ADCY5: variants seen among roughly 807,000 people sequenced by gnomAD.
ADCY5 encodes the protein adenylate cyclase 5.
In ADCY5, 30 loss-of-function variants were observed where a neutral mutation model predicts 119.7. The ratio of observed to expected loss-of-function variants is 0.25; its 90% CI spans 0.19 to 0.34. The LOEUF (loss-of-function observed/expected upper bound fraction) is 0.34. ADCY5 is among the 10% of genes least tolerant of loss of function. The pLI, the probability that ADCY5 is intolerant of heterozygous loss-of-function variation, is 1.00. For synonymous variants in ADCY5, 753 were observed against 762.2 expected (o/e 0.99, Z 0.20); for missense variants, 1,324 against 1,775.2 (o/e 0.75, Z 4.57).
chr3:123,396,819 C>CGAGAGAGAGAGAGAGAGAGAGAGAGA (rs146072347), intron 1 of ADCY5, among the ~76,000 whole-genome samples: 5 of 62,288 alleles, frequency 8.0e-5, no homozygotes, highest in Admixed American at 1.8e-4. Context: ...GGCAGGCAGG[C>CGAGAGAGAGAGAGAGAGAGAGAGAGA]GAGAGAGAGA....
intron 1 of ADCY5, among the ~76,000 whole-genome samples, chr3:123,377,482 C>G (rs536538260): frequency 6.3e-4 from 96 of 152,316 alleles, no homozygotes; most frequent in Non-Finnish European, 1.1e-3. Context: ...TGGGTCCCCC[C>G]ACAACAGCCA....
intron 1 of ADCY5, among the ~76,000 whole-genome samples, chr3:123,362,683 C>A (rs147248150): frequency 6.6e-6 from 1 of 152,160 alleles, no homozygotes; most frequent in African/African-American, 2.4e-5. Context: ...GGAAGTCAGA[C>A]AAGGCACGGA....
chr3:123,304,644 G>A (rs1940099693), intron 12 of ADCY5, among the ~76,000 whole-genome samples: 1 of 152,056 alleles, frequency 6.6e-6, no homozygotes, highest in South Asian at 2.1e-4. Context: ...CTAGGCCTCT[G>A]GGCTCGGGAG....
chr3:123,418,992 G>A (rs774856147), intron 1 of ADCY5: 30 of 276,510 alleles, frequency 1.1e-4, no homozygotes, highest in Non-Finnish European at 1.5e-4. Flanking sequence ...CTGAAACCAC[G>A]TCACTGGCTT....
chr3:123,385,376 G>A (rs1229756823), intron 1 of ADCY5, among the ~76,000 whole-genome samples: 1 of 152,142 alleles, frequency 6.6e-6, no homozygotes, highest in Non-Finnish European at 1.5e-5. Flanking sequence ...CAAGTAGAGG[G>A]GATGGAGAAA....
Position 123,347,665 on chromosome 3 carries a change from A to G in ADCY5, c.1406+117T>C, listed in dbSNP as rs527671667. 27 of 1,358,438 alleles carry G rather than the reference A, an allele frequency of 2.0e-5. No homozygotes were observed. The African/African-American group carries it at 3.9e-4, about 20-fold the overall frequency. The allele number at this position is 1,358,438 out of a possible 1,614,324, so 84.1% of individuals were successfully genotyped here. ...GGGGCTGGCATGCTCTAGATGACAC[A>G]CTCCAAAGTCACCAAGCCACCCTGT... On this transcript the variant is annotated intron_variant, in intron 3 of 20. Coordinates refer to ENST00000462833, the MANE Select transcript of ADCY5 (RefSeq NM_183357.3).
intron 1 of ADCY5, among the ~76,000 whole-genome samples, chr3:123,436,357 A>G (rs1945617133): frequency 6.6e-6 from 1 of 152,038 alleles, no homozygotes; most frequent in African/African-American, 2.4e-5. Flanking sequence ...TGCGCAACAG[A>G]GTAAGACCTT....
chr3:123,439,792 C>T (rs1181671154), intron 1 of ADCY5, among the ~76,000 whole-genome samples: 1 of 152,214 alleles, frequency 6.6e-6, no homozygotes, highest in Non-Finnish European at 1.5e-5. Flanking sequence ...ATGGCCTAGA[C>T]AGTGCCTATT....
intron 1 of ADCY5, among the ~76,000 whole-genome samples, chr3:123,424,308 A>G (rs1353602089): frequency 6.6e-6 from 1 of 152,230 alleles, no homozygotes; most frequent in Non-Finnish European, 1.5e-5. Flanking sequence ...TTTCATGAGC[A>G]GAGTCCTGGG....
At chr3:123,301,319 G>C (rs867422084) in intron 14 of ADCY5, among the ~76,000 whole-genome samples, 32 of 152,302 alleles carry the variant, frequency 2.1e-4, no homozygotes, top group Middle Eastern at 3.4e-3. Context: ...CTGGAGCCAA[G>C]GAAGGACTGC....
chr3:123,444,084 C>G (rs1010022527), intron 1 of ADCY5, among the ~76,000 whole-genome samples: 7 of 152,178 alleles, frequency 4.6e-5, no homozygotes, highest in Non-Finnish European at 8.8e-5. Flanking sequence ...GAGTGGGATA[C>G]AGTCAAACAA....
At chr3:123,324,871 T>C (rs1030327856) in intron 8 of ADCY5, among the ~76,000 whole-genome samples, 2 of 152,234 alleles carry the variant, frequency 1.3e-5, no homozygotes, top group Non-Finnish European at 2.9e-5. Context: ...TAGGATAGTT[T>C]CTGAGCAACT....
intron 1 of ADCY5, among the ~76,000 whole-genome samples, chr3:123,435,351 C>T (rs1159652014): frequency 6.6e-6 from 1 of 152,122 alleles, no homozygotes; most frequent in East Asian, 1.9e-4. Context: ...TGCTTGAGCA[C>T]AGTGGTGTGG....
intron 5 of ADCY5, 142 bp downstream of exon 5, chr3:123,330,747 T>A: frequency 7.9e-6 from 9 of 1,138,432 alleles, no homozygotes; most frequent in South Asian, 1.7e-5. Flanking sequence ...ACGCCAACCC[T>A]CAGCTTGGCT....
In ADCY5 at chr3:123,322,040, T is replaced by C. The variant is rs114282273; in HGVS notation, c.2089-1269A>G. ...CTCCAGGCTGTAAAGTGGTCCCACG[T>C]CACCATCCCAGCCCTGGGCTGGAGG... On this transcript the variant is annotated intron_variant, in intron 8 of 20. Transcript: ENST00000462833. 2.7e-3 allele frequency among the ~76,000 whole-genome samples: 405 copies of C among 152,300 alleles called. 4 individuals are homozygous for C. Among genetic ancestry groups the C allele is most frequent in the African/African-American group, 9.0e-3 (375 of 41,580 alleles).
At chr3:123,376,234 T>G (rs1943828689) in intron 1 of ADCY5, among the ~76,000 whole-genome samples, 1 of 148,756 alleles carries the variant, frequency 6.7e-6, no homozygotes, top group Non-Finnish European at 1.5e-5. Flanking sequence ...ACTGCACACA[T>G]GCTCTCAACA....
chr3:123,331,137 C>CGCAGGAA lies in ADCY5; in HGVS notation c.1519-122_1519-121insTTCCTGC. The CGCAGGAA allele has an allele frequency of 2.8e-6, 3 of 1,060,516 alleles. No individual in the cohort carries two copies. In the South Asian group the frequency reaches 4.7e-5, roughly 17 times the overall value. The allele number at this position is 1,060,516 out of a possible 1,614,324, so 65.7% of individuals were successfully genotyped here. ...ATAACTTGCCTTTTAGGGCAGTGAG[C>CGCAGGAA]GCAGGCCCACGCCGGAACTCGGCAT... On this transcript the variant is annotated intron_variant, in intron 4 of 20. Coordinates refer to ENST00000462833, the MANE Select transcript of ADCY5 (RefSeq NM_183357.3).
intron 1 of ADCY5, among the ~76,000 whole-genome samples, chr3:123,399,170 C>A (rs569309184): frequency 5.1e-4 from 77 of 152,312 alleles, no homozygotes; most frequent in African/African-American, 1.8e-3. Context: ...TCCATAGATA[C>A]CAGATTCCAA....
intron 1 of ADCY5, among the ~76,000 whole-genome samples, chr3:123,405,008 T>C (rs1295626517): frequency 2.0e-5 from 3 of 152,254 alleles, no homozygotes; most frequent in African/African-American, 7.2e-5. Flanking sequence ...CTGACAAACC[T>C]GCCCCCCTTG....
Sources: allele counts gnomAD v4.1 joint callset (sites outside exome capture counted in the v4.1 genomes callset), GRCh38; gene constraint gnomAD v4.1.1; transcripts MANE v1.5; gene names NCBI Gene and HGNC (gene_info 2026-07-23, HGNC 2026-07-21).